The following FCGRT variants were observed in gnomAD, a reference collection of about 807,000 sequenced individuals.
The protein encoded by FCGRT is IgG receptor FcRn large subunit p51.
FCGRT carries 13 observed loss-of-function variants against 35.7 expected under a neutral mutation model. The observed-to-expected ratio is 0.36, with a 90% confidence interval of 0.24 to 0.58. The LOEUF (loss-of-function observed/expected upper bound fraction) is 0.58. Among genes scored for constraint, FCGRT ranks in the 20% least tolerant of loss-of-function variants. The pLI is 0.77. For missense variants in FCGRT, 455 were observed against 474.9 expected (o/e 0.96, Z 0.39); for synonymous variants, 233 against 216.5 (o/e 1.08, Z -0.67).
rs200294618 is a variant in FCGRT, at chr19:49,514,439, G to A, written c.554G>A (p.Arg185His). Residue 185 changes from arginine to histidine, a missense_variant, in exon 4 of 7, where the codon CGC becomes CAC. Physicochemically the swap from Arg to His is conservative, Grantham distance 29 (BLOSUM62 0). Coordinates refer to ENST00000221466, the MANE Select transcript of FCGRT (RefSeq NM_001136019.3). ...TTCCTGCTATTCTCCTGCCCGCACC[G>A]CCTGCGGGAGCACCTGGAGAGGGGC... The part of the protein sequence containing the change: ...LTFLLFSCPH[R>H]LREHLERGRG... 7.7e-5 allele frequency: 122 copies of A among 1,576,708 alleles called. 1 individual carries two copies. In the Admixed American group the frequency reaches 1.6e-3, roughly 21 times the overall value.
chr19:49,513,858 C>T (rs1472016824), intron 2 of FCGRT, 24 bp from the exon 3 acceptor site: 3 of 1,571,880 alleles, frequency 1.9e-6, no homozygotes, highest in African/African-American at 2.7e-5. Context: ...CGTGTGCTCC[C>T]TTCAGCTCTG....
chr19:49,518,787 G>C (rs376015929), intron 4 of FCGRT, among the ~76,000 whole-genome samples: 3 of 151,704 alleles, frequency 2.0e-5, no homozygotes, highest in East Asian at 3.9e-4. Context: ...CACCCACCTC[G>C]GCCTCCCAAA....
In FCGRT at chr19:49,514,274, C is replaced by A; in HGVS notation, c.389C>A (p.Thr130Asn). The change falls in exon 4 of 7, where the codon ACC becomes AAC. Residue 130 changes from threonine to asparagine, a missense_variant. Physicochemically the swap from Thr to Asn is moderately conservative, Grantham distance 65 (BLOSUM62 0). Transcript: ENST00000221466. ...GGCCCTGACAACACCTCGGTGCCCACCGCCAAGTTCGCCCTGAACGGCGAG... is the reference window on the plus strand; with the variant it reads ...GGCCCTGACAACACCTCGGTGCCCAACGCCAAGTTCGCCCTGAACGGCGAG... The part of the protein sequence containing the change: ...ELGPDNTSVP[T>N]AKFALNGEEF... 6.2e-7 allele frequency: 1 copy of A among 1,611,046 alleles called. No homozygotes were observed. Among genetic ancestry groups the A allele is most frequent in the Non-Finnish European group, 8.5e-7 (1 of 1,178,828 alleles).
intron 2 of FCGRT, 192 bp from the exon 3 acceptor site, chr19:49,513,690 T>A (rs1015557990): frequency 1.4e-5 from 8 of 569,870 alleles, no homozygotes; most frequent in Non-Finnish European, 2.1e-5. Context: ...TGGGTCTCTG[T>A]CCCCCTCTCT....
intron 4 of FCGRT, among the ~76,000 whole-genome samples, chr19:49,517,992 A>T (rs1182921301): frequency 6.6e-6 from 1 of 151,952 alleles, no homozygotes; most frequent in East Asian, 1.9e-4. Context: ...CGCCTGGCCA[A>T]TTTTTGTATT....
intron 4 of FCGRT, among the ~76,000 whole-genome samples, chr19:49,523,013 G>A (rs564887165): frequency 3.0e-4 from 45 of 151,654 alleles, no homozygotes; most frequent in Non-Finnish European, 6.5e-4. Flanking sequence ...TCCTGACCTC[G>A]TGATCCGCCT....
In FCGRT at chr19:49,525,987, TCTCC is replaced by T. The variant is rs749920295; in HGVS notation, c.989-19_989-16del. 2 of 1,466,546 alleles carry T rather than the reference TCTCC, an allele frequency of 1.4e-6. No homozygotes were observed. Among genetic ancestry groups the T allele is most frequent in the South Asian group, 1.1e-5 (1 of 88,164 alleles). The allele number at this position is 1,466,546 out of a possible 1,614,324, so 90.8% of individuals were successfully genotyped here. On this transcript the variant is annotated intron_variant, in intron 6 of 6. Transcript: ENST00000221466. ...GAGCGCCTCAGAGATTCTGATGACC[TCTCC>T]CTCTCTCTCTCTCCTCAGCCCCTTG...
chr19:49,524,896 C>A, intron 5 of FCGRT, 120 bp downstream of exon 5: 1 of 1,047,286 alleles, frequency 9.5e-7, no homozygotes, highest in South Asian at 1.4e-5. Flanking sequence ...ATCTGACTGC[C>A]TTGAACCTCA....
chr19:49,521,667 CT>C (rs1195378519), intron 4 of FCGRT: 1,751 of 137,456 alleles, frequency 0.013, 15 homozygotes, highest in African/African-American at 0.025. Flanking sequence ...TTGCACCCGG[CT>C]TTTTTTTTTT....
At chr19:49,521,466 A>G (rs1174956905) in intron 4 of FCGRT, among the ~76,000 whole-genome samples, 1 of 150,026 alleles carries the variant, frequency 6.7e-6, no homozygotes, top group Non-Finnish European at 1.5e-5. Flanking sequence ...GCTACTCTGG[A>G]GGCTGAGGCA....
In FCGRT at chr19:49,526,164, T is replaced by G; in HGVS notation, c.*45T>G. The G allele has an allele frequency of 7.7e-7, 1 of 1,296,736 alleles. No individual in the cohort carries two copies. 80.3% of individuals were successfully genotyped at this position (1,296,736 alleles called of 1,614,324 possible). A position where few individuals can be genotyped will look rare whatever the true frequency, so the allele number is the denominator to read the frequency against. ...CTAAAAGCGAATGTAGTCAGGCCCC[T>G]TTCATGCTGTGAGACCTCCTGGAAC... On this transcript the variant is annotated 3_prime_UTR_variant, in exon 7 of 7. Coordinates refer to ENST00000221466, the MANE Select transcript of FCGRT (RefSeq NM_001136019.3).
chr19:49,517,061 T>C (rs1024702944), intron 4 of FCGRT, among the ~76,000 whole-genome samples: 2 of 151,966 alleles, frequency 1.3e-5, no homozygotes, highest in African/African-American at 4.8e-5. Flanking sequence ...CATGGTGGTA[T>C]GTGCCTCTAG....
At chr19:49,518,384 T>G (rs544604210) in intron 4 of FCGRT, among the ~76,000 whole-genome samples, 78 of 151,214 alleles carry the variant, frequency 5.2e-4, no homozygotes, top group African/African-American at 1.7e-3. Context: ...TTTTCCTTTT[T>G]GAGACAGGGT....
At position 49,526,344 on chromosome 19, in the gene FCGRT, CTCA is replaced by C. The variant is rs1407688224; in HGVS notation, c.*230_*232del. On this transcript the variant is annotated 3_prime_UTR_variant, in exon 7 of 7. Coordinates refer to ENST00000221466, the MANE Select transcript of FCGRT (RefSeq NM_001136019.3). The stretch of plus-strand genomic sequence containing the variant: ...GAGTTTGGGCCCGAATCAGTGTGTT[CTCA>C]TCATTTTTCAGGCAGGGGAGGTAAG... 1.8e-6 allele frequency: 1 copy of C among 545,634 alleles called. No individual in the cohort carries two copies. Among genetic ancestry groups the C allele is most frequent in the South Asian group, 2.2e-5 (1 of 46,428 alleles). 33.8% of individuals were successfully genotyped at this position (545,634 alleles called of 1,614,324 possible). A position where few individuals can be genotyped will look rare whatever the true frequency, so the allele number is the denominator to read the frequency against.
rs1317324015 is a variant in FCGRT at position 49,514,146 on chromosome 19, T to C, written c.325+13T>C. The C allele has an allele frequency of 1.9e-6, 3 of 1,612,802 alleles. No individual in the cohort carries two copies. The highest frequency in any genetic ancestry group is 2.5e-6 in the Non-Finnish European group (3 of 1,179,396). ...TTGGGGGGAAAAGGTGAGATTCCGG[T>C]CTGGAGGGGCAAGGGGCCGGGTCCA... On this transcript the variant is annotated intron_variant, in intron 3 of 6. Coordinates refer to ENST00000221466, the MANE Select transcript of FCGRT (RefSeq NM_001136019.3).
intron 4 of FCGRT, among the ~76,000 whole-genome samples, chr19:49,516,956 GAGGC>G: frequency 6.6e-6 from 1 of 152,174 alleles, no homozygotes; most frequent in East Asian, 2.0e-4. Flanking sequence ...TTGGGAGGCC[GAGGC>G]AGGTGGATTG....
Sources: allele counts gnomAD v4.1 joint callset (sites outside exome capture counted in the v4.1 genomes callset), GRCh38; gene constraint gnomAD v4.1.1; transcripts MANE v1.5; gene names NCBI Gene and HGNC (gene_info 2026-07-23, HGNC 2026-07-21).